FTSJ3: variants seen among roughly 807,000 people sequenced by gnomAD.
FTSJ3 encodes pre-rRNA 2'-O-ribose RNA methyltransferase FTSJ3.
A neutral mutation model predicts 111.5 loss-of-function variants in FTSJ3; 46 were observed. That is an observed-to-expected ratio of 0.41 (90% CI 0.33 to 0.53). The LOEUF is 0.53. Among genes scored for constraint, FTSJ3 ranks in the 20% least tolerant of loss-of-function variants. The probability of loss-of-function intolerance (pLI) is 0.19; values close to 1 mark genes in which losing one functional copy is unlikely to be tolerated. For synonymous variants in FTSJ3, 408 were observed against 383.0 expected (o/e 1.07, Z -0.76); for missense variants, 1,075 against 1,063.8 (o/e 1.01, Z -0.15).
chr17:63,822,373 C>T (rs955201686), intron 13 of FTSJ3, among the ~76,000 whole-genome samples: 2 of 152,110 alleles, frequency 1.3e-5, no homozygotes, highest in African/African-American at 2.4e-5. Context: ...ACTGATCTAT[C>T]CCACTCAGCT....
chr17:63,820,453 CA>C lies in FTSJ3; in HGVS notation c.2073-16del, dbSNP rs774794614. 6.2e-7 allele frequency: 1 copy of C among 1,613,146 alleles called. No homozygotes were observed. Among genetic ancestry groups the C allele is most frequent in the South Asian group, 1.1e-5 (1 of 91,068 alleles). On this transcript the variant is annotated splice_polypyrimidine_tract_variant and intron_variant, in intron 18 of 20. Transcript: ENST00000427159. ...TAAATGTGTACCTGAGTGGAAAGGA[CA>C]TCTGTCTAATATCCAACATTCCAGG...
Position 63,826,620 on chromosome 17 carries a change from C to G in FTSJ3, c.120G>C (p.Gln40His). 1 of 1,614,178 alleles carries G rather than the reference C, an allele frequency of 6.2e-7. No homozygotes were observed. The highest frequency in any genetic ancestry group is 8.5e-7 in the Non-Finnish European group (1 of 1,180,040). The change falls in exon 3 of 21, where the codon CAG (glutamine) becomes CAC (histidine). Residue 40 changes from glutamine to histidine, a missense_variant. This residue lies in a region of FTSJ3 where 208 missense variants were observed against 266.9 expected (regional missense o/e 0.78). Coordinates refer to ENST00000427159, the MANE Select transcript of FTSJ3 (RefSeq NM_017647.4). ...GCAAGGCTCGGGCTTTCTGCAGGAACTGAAAGCGGCGATTGAGCTGGATCA... is the reference window on the plus strand; with the variant it reads ...GCAAGGCTCGGGCTTTCTGCAGGAAGTGAAAGCGGCGATTGAGCTGGATCA... ...FKLIQLNRRF[Q>H]FLQKARALLD...
Position 63,825,496 on chromosome 17 carries a change from TCCA to T in FTSJ3, c.400+37_400+39del, listed in dbSNP as rs1206317259. The T allele has an allele frequency of 5.0e-6, 8 of 1,611,728 alleles. No homozygotes were observed. The East Asian group carries it at 1.6e-4, about 31-fold the overall frequency. On this transcript the variant is annotated intron_variant, in intron 6 of 20. Transcript: ENST00000427159. Reference sequence around the variant, plus strand: ...CAGCCCAGGAGGGCATGCGCCCACCTCCACCATCACCTGATCTCCAAGCACCAC... The same window carrying T: ...CAGCCCAGGAGGGCATGCGCCCACCTCCATCACCTGATCTCCAAGCACCAC...
chr17:63,819,898 T>A lies in FTSJ3; in HGVS notation c.2448A>T (p.Gly816=), dbSNP rs199564934. ...CCACCACCTTGAAATGACCTCTGAC[T>A]CCAGCTGGCCGGCGCACTTTGCGGC... ...GVGRKVRRPA[G]VRGHFKVVDS... The change falls in exon 21 of 21, where the codon GGA becomes GGT. Residue 816 remains glycine (G), a synonymous_variant. Transcript: ENST00000427159. 24 of 1,614,182 alleles carry A rather than the reference T, an allele frequency of 1.5e-5. No individual in the cohort carries two copies. In the African/African-American group the frequency reaches 2.5e-4, roughly 17 times the overall value.
chr17:63,821,690 C>T, intron 15 of FTSJ3, 33 bp downstream of exon 15: 1 of 1,614,166 alleles, frequency 6.2e-7, no homozygotes, highest in South Asian at 1.1e-5. Flanking sequence ...GAAGACTCAT[C>T]TCCCCGCAGT....
rs765877338 is a variant in FTSJ3 at position 63,826,676 on chromosome 17, G to T, written c.68-4C>A. 1.9e-6 allele frequency: 3 copies of T among 1,612,524 alleles called. No individual in the cohort carries two copies. Among genetic ancestry groups the T allele is most frequent in the Non-Finnish European group, 2.5e-6 (3 of 1,178,754 alleles). On this transcript the variant is annotated splice_region_variant and splice_polypyrimidine_tract_variant and intron_variant, in intron 2 of 20. Transcript: ENST00000427159. ...AAAGCAGATCGGGAACGGTAACCTGGACAAAACAACCAAGTGCGCAAACTG... is the reference window on the plus strand; with the variant it reads ...AAAGCAGATCGGGAACGGTAACCTGTACAAAACAACCAAGTGCGCAAACTG...
At position 63,823,807 on chromosome 17, in the gene FTSJ3, GCCGCC is replaced by G; in HGVS notation, c.1290+5_1290+9del. 1.2e-6 allele frequency: 2 copies of G among 1,612,868 alleles called. No individual in the cohort carries two copies. Among genetic ancestry groups the G allele is most frequent in the Non-Finnish European group, 1.7e-6 (2 of 1,179,436 alleles). The stretch of plus-strand genomic sequence containing the variant: ...TGTCTCCTAAACCTGCACCCCCAAT[GCCGCC>G]TCACCTGGTGACCCCGGATGGTGCT... On this transcript the variant is annotated splice_donor_5th_base_variant and intron_variant, in intron 13 of 20. Coordinates refer to ENST00000427159, the MANE Select transcript of FTSJ3 (RefSeq NM_017647.4).
Position 63,819,827 on chromosome 17 carries a change from T to C in FTSJ3, c.2519A>G (p.Gln840Arg). 1 of 1,613,468 alleles carries C rather than the reference T, an allele frequency of 6.2e-7. No homozygotes were observed. The highest frequency in any genetic ancestry group is 1.3e-5 in the African/African-American group (1 of 74,960). Reference protein sequence around the residue: ...KDQRAQQRKEQKKKHKRK With the variant: ...KDQRAQQRKERKKKHKRK Reference sequence around the variant, plus strand: ...TTACTTCCGTTTGTGTTTTTTCTTTTGTTCCTTACGTTGCTGTGCTCTTTG... The same window carrying C: ...TTACTTCCGTTTGTGTTTTTTCTTTCGTTCCTTACGTTGCTGTGCTCTTTG... Residue 840 changes from glutamine to arginine, a missense_variant, in exon 21 of 21, where the codon CAA becomes CGA. Transcript: ENST00000427159.
chr17:63,826,364 G>A, intron 3 of FTSJ3, 60 bp from the exon 4 acceptor site: 1 of 1,505,390 alleles, frequency 6.6e-7, no homozygotes, highest in East Asian at 2.3e-5. Flanking sequence ...CTTGGCAACT[G>A]ATCTCTCATC....
intron 2 of FTSJ3, 53 bp downstream of exon 2, chr17:63,826,783 G>A: frequency 1.3e-6 from 2 of 1,591,202 alleles, no homozygotes; most frequent in African/African-American, 1.3e-5. Context: ...AAGAGCAGGC[G>A]AACCGGGCAG....
chr17:63,821,049 T>C lies in FTSJ3; in HGVS notation c.1953A>G (p.Ile651Met). ...GPKSDDDGFEIVPIEDPAKHR... is the reference protein window; with the variant it reads ...GPKSDDDGFEMVPIEDPAKHR... ...TCTCACCTGGGTCCTCAATAGGCAC[T>C]ATCTCAAACCCGTCATCATCTGACT... The change falls in exon 17 of 21, where the codon ATA becomes ATG. Residue 651 changes from isoleucine (I) to methionine (M), a missense_variant. Ile to Met is a conservative substitution (Grantham distance 10). Coordinates refer to ENST00000427159, the MANE Select transcript of FTSJ3 (RefSeq NM_017647.4). 1.2e-6 allele frequency: 2 copies of C among 1,614,194 alleles called. No homozygotes were observed. Among genetic ancestry groups the C allele is most frequent in the Non-Finnish European group, 8.5e-7 (1 of 1,180,024 alleles).
At chr17:63,826,229 A>G (rs771812428) in intron 4 of FTSJ3, 29 bp downstream of exon 4, 1 of 1,613,544 alleles carries the variant, frequency 6.2e-7, no homozygotes, top group East Asian at 2.2e-5. Flanking sequence ...CACCCCTTAA[A>G]ACACCAAGGA....
chr17:63,821,581 C>T lies in FTSJ3; in HGVS notation c.1659G>A (p.Leu553=), dbSNP rs779699383. The T allele has an allele frequency of 6.2e-7, 1 of 1,614,054 alleles. No homozygotes were observed. Among genetic ancestry groups the T allele is most frequent in the Non-Finnish European group, 8.5e-7 (1 of 1,180,032 alleles). The change falls in exon 16 of 21, where the codon CTG becomes CTA. Residue 553 remains leucine (L), a synonymous_variant. Transcript: ENST00000427159. Reference sequence around the variant, plus strand: ...GTCCCTTCCGCCGGTTCTCAAATAACAGCTGGGCCTGACTGATCTCCAGGG... The same window carrying T: ...GTCCCTTCCGCCGGTTCTCAAATAATAGCTGGGCCTGACTGATCTCCAGGG... ...DEALEISQAQ[L]LFENRRKGRQ...
chr17:63,824,527 GC>G, intron 10 of FTSJ3, 109 bp downstream of exon 10: 1 of 1,417,810 alleles, frequency 7.1e-7, no homozygotes, highest in Non-Finnish European at 1.0e-6. Flanking sequence ...AAAGGCTCAG[GC>G]CCCCATCCCA....
rs1326913305 is a variant in FTSJ3, at chr17:63,825,038, C to G, written c.711+10G>C. 1.2e-6 allele frequency: 2 copies of G among 1,613,124 alleles called. No homozygotes were observed. The highest frequency in any genetic ancestry group is 3.3e-5 in the Admixed American group (2 of 60,020). On this transcript the variant is annotated intron_variant, in intron 8 of 20. Transcript: ENST00000427159. ...AGGACCCAAGAGTGACCCCATTCCC[C>G]AAAACACACCTTTGGCTTCTTCTTA...
rs200651688 is a variant in FTSJ3 at position 63,822,174 on chromosome 17, G to A, written c.1291-6C>T. The A allele has an allele frequency of 8.7e-5, 140 of 1,611,444 alleles. No individual in the cohort carries two copies. Among genetic ancestry groups the A allele is most frequent in the Middle Eastern group, 5.0e-4 (3 of 6,054 alleles). On this transcript the variant is annotated splice_polypyrimidine_tract_variant and splice_region_variant and intron_variant, in intron 13 of 20. Coordinates refer to ENST00000427159, the MANE Select transcript of FTSJ3 (RefSeq NM_017647.4). Reference sequence around the variant, plus strand: ...TGTGTTACTTCCTCTAATAACTGAAGTGTAACAGAAACAAAGGTAAACTAT... The same window carrying A: ...TGTGTTACTTCCTCTAATAACTGAAATGTAACAGAAACAAAGGTAAACTAT...
rs1257639009 is a variant in FTSJ3 at position 63,821,128 on chromosome 17, G to C, written c.1887-13C>G. On this transcript the variant is annotated splice_polypyrimidine_tract_variant and intron_variant, in intron 16 of 20. Transcript: ENST00000427159. ...GAGGGGTTCCCAGCTGTGAAGAGGGGAGGACTCTGAGTGATTCCACCACTC... is the reference window on the plus strand; with the variant it reads ...GAGGGGTTCCCAGCTGTGAAGAGGGCAGGACTCTGAGTGATTCCACCACTC... The C allele has an allele frequency of 6.2e-7, 1 of 1,613,058 alleles. No individual in the cohort carries two copies. Among genetic ancestry groups the C allele is most frequent in the African/African-American group, 1.3e-5 (1 of 74,912 alleles).
chr17:63,823,401 C>T (rs1400372868), intron 13 of FTSJ3, among the ~76,000 whole-genome samples: 1 of 152,192 alleles, frequency 6.6e-6, no homozygotes, highest in Non-Finnish European at 1.5e-5. Context: ...CGAGACCATC[C>T]TGGCTAACAC....
chr17:63,825,967 C>T (rs2040096952), intron 5 of FTSJ3, 89 bp downstream of exon 5: 2 of 1,095,940 alleles, frequency 1.8e-6, no homozygotes, highest in Admixed American at 4.1e-5. Context: ...GCTCAAAGCA[C>T]GGTAAAAAGG....
Sources: gnomAD v4.1 joint callset for allele counts (sites outside exome capture counted in the v4.1 genomes callset) on GRCh38, gnomAD v4.1.1 for gene constraint, gnomAD v4.1.1 regional missense constraint, MANE v1.5 for transcripts, NCBI Gene and HGNC (gene_info 2026-07-23, HGNC 2026-07-21) for gene names.